C10orf53: variants seen among roughly 807,000 people sequenced by gnomAD.
The protein encoded by C10orf53 is UPF0728 protein C10orf53.
Under a neutral mutation model 9.4 loss-of-function variants are expected in C10orf53, and 8 were observed. The ratio of observed to expected loss-of-function variants is 0.85; its 90% confidence interval spans 0.50 to 1.53. The LOEUF (loss-of-function observed/expected upper bound fraction) is 1.53, where lower values mean the gene tolerates loss of function less well. C10orf53 is among the 40% of genes most tolerant of loss of function. C10orf53 has a pLI of 0.00. For missense variants in C10orf53, 117 were observed against 117.8 expected (o/e 0.99, Z 0.03); for synonymous variants, 48 against 46.0 (o/e 1.04, Z -0.18).
chr10:49,686,643 T>C (rs1268180940), intron 1 of C10orf53, among the ~76,000 whole-genome samples: 2 of 152,176 alleles, frequency 1.3e-5, no homozygotes, highest in Non-Finnish European at 2.9e-5. Flanking sequence ...ATCTGTCTTA[T>C]GCGGTTGAGA....
intron 1 of C10orf53, among the ~76,000 whole-genome samples, chr10:49,682,245 A>T (rs895432119): frequency 3.3e-5 from 5 of 152,122 alleles, no homozygotes; most frequent in Non-Finnish European, 5.9e-5. Flanking sequence ...TCCTTAAGCA[A>T]CAACACCCTA....
At chr10:49,698,442 A>G (rs149797254), downstream of C10orf53, among the ~76,000 whole-genome samples, 137 of 152,276 alleles carry the variant, frequency 9.0e-4, no homozygotes, top group African/African-American at 2.8e-3. Flanking sequence ...AGGACTGGAC[A>G]CATGTCCTGA....
At chr10:49,699,246 G>A (rs567052090), downstream of C10orf53, among the ~76,000 whole-genome samples, 16 of 131,404 alleles carry the variant, frequency 1.2e-4, no homozygotes, top group Admixed American at 1.8e-4. Context: ...CCAGGCTGGA[G>A]TGAGTAGCAC....
Position 49,696,580 on chromosome 10 carries a change from T to C in C10orf53, c.*1978T>C, listed in dbSNP as rs1016282128. ...AGAAGACCTGCCCTCCTTGGCTTCA[T>C]GACCAGAGCTGAAGGGCAGGTAAGG... On this transcript the variant is annotated 3_prime_UTR_variant, in exon 3 of 3. Transcript: ENST00000374111. 6.6e-6 allele frequency among the ~76,000 whole-genome samples: 1 copy of C among 152,196 alleles called. No individual in the cohort carries two copies. Among genetic ancestry groups the C allele is most frequent in the Non-Finnish European group, 1.5e-5 (1 of 68,038 alleles).
chr10:49,680,876 A>G (rs1280401824), intron 1 of C10orf53, among the ~76,000 whole-genome samples: 1 of 152,224 alleles, frequency 6.6e-6, no homozygotes, highest in Non-Finnish European at 1.5e-5. Context: ...CACTAAAATC[A>G]AAGACACCAA....
At chr10:49,704,845 A>C (rs1023942900) in intron 2 of C10orf53, among the ~76,000 whole-genome samples, 2 of 152,262 alleles carry the variant, frequency 1.3e-5, no homozygotes, top group East Asian at 3.8e-4. Flanking sequence ...ATAGAGGCAG[A>C]GTAAGTTGAC....
chr10:49,706,466 T>C (rs1361474076), intron 2 of C10orf53, among the ~76,000 whole-genome samples: 2 of 152,172 alleles, frequency 1.3e-5, no homozygotes, highest in African/African-American at 2.4e-5. Context: ...TCATGCTAAG[T>C]AAAGGAAGAC....
At position 49,703,369 on chromosome 10, in the gene C10orf53, C is replaced by T. The variant is rs552716241; in HGVS notation, c.218-4992C>T. ...CATATCAACACACGCCATGGGCCTT[C>T]GCAACACCCCCTCCCTTTTAAGAAG... On this transcript the variant is annotated intron_variant, in intron 2 of 2. Transcript: ENST00000374112. 2.0e-4 allele frequency among the ~76,000 whole-genome samples: 31 copies of T among 152,302 alleles called. No individual in the cohort carries two copies. In the East Asian group the frequency reaches 3.3e-3, roughly 16 times the overall value.
In C10orf53 at chr10:49,694,778, A is replaced by T; in HGVS notation, c.*176A>T. On this transcript the variant is annotated 3_prime_UTR_variant, in exon 3 of 3. Coordinates refer to ENST00000374111, the MANE Select transcript of C10orf53 (RefSeq NM_001042427.3). ...CCTCAGGATTGTCACCTGGCTGCAC[A>T]GGAGCCCACAGAAATAATAAAAACC... 7.1e-7 allele frequency: 1 copy of T among 1,410,388 alleles called. No homozygotes were observed. The allele number at this position is 1,410,388 out of a possible 1,614,324, so 87.4% of individuals were successfully genotyped here.
Position 49,706,384 on chromosome 10 carries a change from T to C in C10orf53, c.218-1977T>C, listed in dbSNP as rs114192891. On this transcript the variant is annotated intron_variant, in intron 2 of 2. Coordinates refer to the C10orf53 transcript ENST00000374112. ...AGCAAAATGTGGTCTATCCATACAA[T>C]AGAATATTGTTCCACCATAAAAAGG... 2.5e-3 allele frequency among the ~76,000 whole-genome samples: 375 copies of C among 152,290 alleles called. 1 individual carries two copies. Among genetic ancestry groups the C allele is most frequent in the African/African-American group, 7.5e-3 (310 of 41,562 alleles).
chr10:49,685,910 A>G (rs1840523893), intron 1 of C10orf53, among the ~76,000 whole-genome samples: 2 of 152,086 alleles, frequency 1.3e-5, no homozygotes, highest in African/African-American at 2.4e-5. Flanking sequence ...ATTTCTTCAG[A>G]TATTCTTTCT....
In C10orf53 at chr10:49,679,923, T is replaced by G; in HGVS notation, c.97+129T>G. On this transcript the variant is annotated intron_variant, in intron 1 of 2. Coordinates refer to ENST00000374111, the MANE Select transcript of C10orf53 (RefSeq NM_001042427.3). ...CCTCTCCAGGAAGTCTTCCCCAGGA[T>G]GATGTTGCAACCTATGGCTTCCAGG... 7.0e-6 allele frequency: 6 copies of G among 853,066 alleles called. No individual in the cohort carries two copies. In the South Asian group the frequency reaches 1.2e-4, roughly 18 times the overall value. The allele number at this position is 853,066 out of a possible 1,614,324, so 52.8% of individuals were successfully genotyped here.
chr10:49,688,497 T>C (rs576291591), intron 1 of C10orf53, among the ~76,000 whole-genome samples: 36 of 152,086 alleles, frequency 2.4e-4, no homozygotes, highest in African/African-American at 7.7e-4. Context: ...CTGATACCGG[T>C]AAACCTGAAT....
chr10:49,679,846 G>T (rs1255354822), intron 1 of C10orf53, 52 bp downstream of exon 1: 11 of 1,469,050 alleles, frequency 7.5e-6, no homozygotes, highest in Non-Finnish European at 9.1e-6. Flanking sequence ...CTGAGCATCC[G>T]TGCAGGTGGT....
downstream of C10orf53, among the ~76,000 whole-genome samples, chr10:49,700,853 GC>G (rs1016136488): frequency 1.3e-5 from 2 of 152,174 alleles, no homozygotes; most frequent in African/African-American, 4.8e-5. Flanking sequence ...TGGGCATGCA[GC>G]CCCCATCCCT....
exon 3 of C10orf53, chr10:49,708,565 T>C: frequency 6.2e-7 from 1 of 1,614,226 alleles, no homozygotes; most frequent in Non-Finnish European, 8.5e-7. Context: ...TGGCCAGGCC[T>C]GGATCACATG....
In C10orf53 at chr10:49,697,245, C is replaced by A. The variant is rs915857633; in HGVS notation, c.*2643C>A. 6.6e-6 allele frequency among the ~76,000 whole-genome samples: 1 copy of A among 152,144 alleles called. No homozygotes were observed. Among genetic ancestry groups the A allele is most frequent in the African/African-American group, 2.4e-5 (1 of 41,434 alleles). On this transcript the variant is annotated 3_prime_UTR_variant, in exon 3 of 3. Transcript: ENST00000374111. Reference sequence around the variant, plus strand: ...GAAGCCACCTGTCTATGGCCTTATCCTCCTCTGTCACTGATTAAGAGGAAC... The same window carrying A: ...GAAGCCACCTGTCTATGGCCTTATCATCCTCTGTCACTGATTAAGAGGAAC...
chr10:49,699,415 G>A (rs1840664275), downstream of C10orf53, among the ~76,000 whole-genome samples: 1 of 150,916 alleles, frequency 6.6e-6, no homozygotes, highest in East Asian at 1.9e-4. Context: ...GGCTGGTCTC[G>A]AATTCCTGGG....
chr10:49,707,804 A>G lies in C10orf53; in HGVS notation c.218-557A>G, dbSNP rs540697498. 2.6e-5 allele frequency among the ~76,000 whole-genome samples: 4 copies of G among 152,016 alleles called. No homozygotes were observed. The South Asian group carries it at 8.3e-4, about 32-fold the overall frequency. On this transcript the variant is annotated intron_variant, in intron 2 of 2. Transcript: ENST00000374112. ...CTTCTTGGGAACTGTCTTCAGAGGG[A>G]TGTACATTTTCCTCTGTTTTGAAAA...
Sources: gnomAD v4.1 joint callset for allele counts (sites outside exome capture counted in the v4.1 genomes callset) on GRCh38, gnomAD v4.1.1 for gene constraint, MANE v1.5 for transcripts, NCBI Gene and HGNC (gene_info 2026-07-23, HGNC 2026-07-21) for gene names.